LRP2: variants seen among roughly 807,000 people sequenced by gnomAD.
LRP2 encodes the protein LDL receptor related protein 2, also known as low-density lipoprotein receptor-related protein 2.
LRP2 carries 172 observed loss-of-function variants against 531.0 expected under a neutral mutation model. That is an observed-to-expected ratio of 0.32 (90% CI 0.29 to 0.37). The LOEUF (loss-of-function observed/expected upper bound fraction) is 0.37, where lower values mean the gene tolerates loss of function less well. Ranked by LOEUF, LRP2 falls within the 10% of genes least tolerant of loss-of-function variation. The pLI, the probability that LRP2 is intolerant of heterozygous loss-of-function variation, is 1.00. For missense variants in LRP2, 5,167 were observed against 5,868.3 expected (o/e 0.88, Z 3.90); for synonymous variants, 1,992 against 2,027.6 (o/e 0.98, Z 0.47).
chr2:169,360,164 AG>A (rs1686111315), intron 1 of LRP2, among the ~76,000 whole-genome samples: 1 of 149,358 alleles, frequency 6.7e-6, no homozygotes, highest in African/African-American at 2.5e-5. Flanking sequence ...AGAGAGAGAG[AG>A]AAAACCAGAC....
intron 4 of LRP2, among the ~76,000 whole-genome samples, chr2:169,306,533 CAAAAATA>C (rs1183885070): frequency 6.6e-6 from 1 of 151,944 alleles, no homozygotes; most frequent in Non-Finnish European, 1.5e-5. Context: ...AACTCCTTCT[CAAAAATA>C]AAAAATAAAA....
intron 16 of LRP2, 36 bp downstream of exon 16, chr2:169,270,868 C>CAT: frequency 6.7e-7 from 1 of 1,484,390 alleles, no homozygotes; most frequent in Admixed American, 1.9e-5. Flanking sequence ...GCAAAACACG[C>CAT]ATACACACAC....
chr2:169,334,430 A>C (rs1035800509), intron 1 of LRP2, among the ~76,000 whole-genome samples: 1 of 152,238 alleles, frequency 6.6e-6, no homozygotes, highest in African/African-American at 2.4e-5. Context: ...TTCAGTGGCC[A>C]TCTCAATTCT....
At chr2:169,194,936 C>T (rs1687956052) in intron 46 of LRP2, among the ~76,000 whole-genome samples, 1 of 151,170 alleles carries the variant, frequency 6.6e-6, no homozygotes, top group East Asian at 2.0e-4. Flanking sequence ...GTCTCGATCT[C>T]TTGACCTTGT....
intron 42 of LRP2, 94 bp from the exon 43 acceptor site, chr2:169,203,053 T>C (rs1688254660): frequency 2.0e-6 from 2 of 980,652 alleles, no homozygotes; most frequent in Admixed American, 1.9e-5. Flanking sequence ...GCTTCTACAT[T>C]AAATGCTCCC....
intron 1 of LRP2, 120 bp downstream of exon 1, chr2:169,362,201 C>T (rs544952691): frequency 5.5e-5 from 46 of 831,050 alleles, no homozygotes; most frequent in Non-Finnish European, 7.5e-5. Flanking sequence ...GAGCAGCTCC[C>T]GCGCCGCCGC....
At chr2:169,200,133 C>T (rs1688152161) in intron 44 of LRP2, among the ~76,000 whole-genome samples, 1 of 152,122 alleles carries the variant, frequency 6.6e-6, no homozygotes, top group Admixed American at 6.6e-5. Context: ...TGCCTGTAGT[C>T]CCAGCTACCC....
At chr2:169,225,246 T>G in intron 33 of LRP2, 64 bp downstream of exon 33, 1 of 1,532,438 alleles carries the variant, frequency 6.5e-7, no homozygotes, top group Non-Finnish European at 9.0e-7. Flanking sequence ...GATCTATTCC[T>G]GAGACTAGAG....
chr2:169,203,063 C>G (rs756030633), intron 42 of LRP2, 104 bp from the exon 43 acceptor site: 2 of 891,306 alleles, frequency 2.2e-6, no homozygotes, highest in Non-Finnish European at 3.7e-6. Context: ...TAAATGCTCC[C>G]TAAGAAGCGC....
At chr2:169,199,255 A>G (rs1466396852) in intron 44 of LRP2, among the ~76,000 whole-genome samples, 1 of 152,260 alleles carries the variant, frequency 6.6e-6, no homozygotes, top group African/African-American at 2.4e-5. Flanking sequence ...TAAAGGAATA[A>G]AGAAGATTTC....
Position 169,239,542 on chromosome 2 carries a change from T to A in LRP2, c.4279A>T (p.Thr1427Ser). 3.7e-6 allele frequency: 6 copies of A among 1,614,020 alleles called. No individual in the cohort carries two copies. Among genetic ancestry groups the A allele is most frequent in the Non-Finnish European group, 4.2e-6 (5 of 1,179,916 alleles). ...CAGCAATTACCTGTAACTTTGCAAGTCCTCCCATCACTTTCTAACATGTAG... is the reference window on the plus strand; with the variant it reads ...CAGCAATTACCTGTAACTTTGCAAGACCTCCCATCACTTTCTAACATGTAG... Reference protein sequence around the residue: ...TGYMLESDGRTCKVTASESLL... With the variant: ...TGYMLESDGRSCKVTASESLL... The change falls in exon 26 of 79, where the codon ACT becomes TCT. Residue 1427 changes from threonine (T) to serine (S), a missense_variant. By Grantham distance (58) the Thr-to-Ser change is moderately conservative. This residue lies in a region of LRP2 where 2,811 missense variants were observed against 3,058.0 expected (regional missense o/e 0.92). Transcript: ENST00000649046.
intron 41 of LRP2, among the ~76,000 whole-genome samples, chr2:169,204,857 A>G (rs1167517014): frequency 6.6e-6 from 1 of 152,182 alleles, no homozygotes; most frequent in African/African-American, 2.4e-5. Context: ...CATCCCTTCA[A>G]CTATTCCATT....
At chr2:169,283,797 T>C (rs556149391) in intron 9 of LRP2, among the ~76,000 whole-genome samples, 20 of 152,332 alleles carry the variant, frequency 1.3e-4, no homozygotes, top group African/African-American at 4.8e-4. Context: ...CTCTGTTCAT[T>C]ACCAGAGAAG....
At chr2:169,323,341 C>T (rs1002868866) in intron 1 of LRP2, among the ~76,000 whole-genome samples, 7 of 152,152 alleles carry the variant, frequency 4.6e-5, no homozygotes, top group Admixed American at 4.6e-4. Context: ...CAAACTGATA[C>T]TTTATCATTG....
chr2:169,212,323 T>A, intron 36 of LRP2, 116 bp from the exon 37 acceptor site: 1 of 1,324,176 alleles, frequency 7.6e-7, no homozygotes, highest in Non-Finnish European at 1.1e-6. Flanking sequence ...AACCAACATA[T>A]AGTAGCTGAG....
intron 66 of LRP2, among the ~76,000 whole-genome samples, chr2:169,153,426 G>A (rs1440228930): frequency 6.6e-6 from 1 of 152,204 alleles, no homozygotes; most frequent in Non-Finnish European, 1.5e-5. Context: ...TAAAAGCATA[G>A]GAAGACTGTG....
chr2:169,309,628 C>T (rs1472243336), intron 3 of LRP2, among the ~76,000 whole-genome samples: 1 of 152,090 alleles, frequency 6.6e-6, no homozygotes, highest in African/African-American at 2.4e-5. Flanking sequence ...TTACTGTAGC[C>T]TTGTAGTATA....
chr2:169,149,814 C>A (rs741376), intron 68 of LRP2, among the ~76,000 whole-genome samples: 69,743 of 150,490 alleles, frequency 0.46, 16,733 homozygotes, highest in Admixed American at 0.6. Flanking sequence ...CCAGCCTGGG[C>A]AACAGAGCAA....
At chr2:169,170,271 A>C (rs545898317) in intron 59 of LRP2, among the ~76,000 whole-genome samples, 2 of 152,328 alleles carry the variant, frequency 1.3e-5, no homozygotes, top group South Asian at 4.1e-4. Context: ...TTTGTTTACA[A>C]GGCTAACGCA....
Sources: gnomAD v4.1 joint callset for allele counts (sites outside exome capture counted in the v4.1 genomes callset) on GRCh38, gnomAD v4.1.1 for gene constraint, gnomAD v4.1.1 regional missense constraint, MANE v1.5 for transcripts, NCBI Gene and HGNC (gene_info 2026-07-23, HGNC 2026-07-21) for gene names.